KIAA1671: variants seen among roughly 807,000 people sequenced by gnomAD.
The protein encoded by KIAA1671 is uncharacterized protein KIAA1671.
In KIAA1671, 52 loss-of-function variants were observed where a neutral mutation model predicts 131.2. That is an observed-to-expected ratio of 0.40 (90% CI 0.32 to 0.50). The LOEUF is 0.50. Among genes scored for constraint, KIAA1671 ranks in the 20% least tolerant of loss-of-function variants. The probability of loss-of-function intolerance (pLI) is 0.73; values close to 1 mark genes in which losing one functional copy is unlikely to be tolerated. For missense variants in KIAA1671, 2,360 were observed against 2,364.2 expected, an observed-to-expected ratio of 1.00 and a Z score of 0.04; for synonymous variants, 1,003 against 961.6, an observed-to-expected ratio of 1.04 and a Z score of -0.80.
intron 1 of KIAA1671, among the ~76,000 whole-genome samples, chr22:25,001,895 AAT>A (rs1263706508): frequency 6.6e-6 from 1 of 152,064 alleles, no homozygotes; most frequent in Non-Finnish European, 1.5e-5. Context: ...ACATTATGTA[AAT>A]AAGTATATAT....
At chr22:24,980,839 G>A (rs1258071887) in intron 1 of KIAA1671, among the ~76,000 whole-genome samples, 3 of 151,138 alleles carry the variant, frequency 2.0e-5, no homozygotes, top group Non-Finnish European at 4.4e-5. Context: ...CTCCACCTCC[G>A]GAGTTCAAGT....
At chr22:24,978,656 A>G (rs149689182) in intron 1 of KIAA1671, among the ~76,000 whole-genome samples, 8 of 152,058 alleles carry the variant, frequency 5.3e-5, no homozygotes, top group African/African-American at 1.9e-4. Flanking sequence ...TGAAATATGG[A>G]TACAGTTTAC....
chr22:25,114,269 A>AG (rs1337599212), intron 6 of KIAA1671, among the ~76,000 whole-genome samples: 1 of 152,180 alleles, frequency 6.6e-6, no homozygotes, highest in Non-Finnish European at 1.5e-5. Flanking sequence ...CTGGCTGAGG[A>AG]GCCCTGACCC....
At chr22:25,116,023 G>A (rs1439561897) in intron 6 of KIAA1671, among the ~76,000 whole-genome samples, 1 of 151,774 alleles carries the variant, frequency 6.6e-6, no homozygotes, top group African/African-American at 2.4e-5. Flanking sequence ...TGATCCACCC[G>A]CTTCAACCTC....
At chr22:25,021,868 G>A (rs1235211066) in intron 1 of KIAA1671, among the ~76,000 whole-genome samples, 3 of 151,750 alleles carry the variant, frequency 2.0e-5, no homozygotes, top group Non-Finnish European at 4.4e-5. Context: ...CTCCCTGCAA[G>A]CTCCACCTCC....
intron 6 of KIAA1671, among the ~76,000 whole-genome samples, chr22:25,144,955 C>G (rs1932855336): frequency 6.6e-6 from 1 of 152,214 alleles, no homozygotes; most frequent in Non-Finnish European, 1.5e-5. Flanking sequence ...CATCGGAGGT[C>G]TGTGACTTCC....
intron 6 of KIAA1671, among the ~76,000 whole-genome samples, chr22:25,143,356 G>A (rs1168312912): frequency 6.6e-6 from 1 of 152,228 alleles, no homozygotes; most frequent in Non-Finnish European, 1.5e-5. Flanking sequence ...TGAGCACATG[G>A]CAGATGTGTC....
At chr22:25,006,498 T>C (rs957744772) in intron 1 of KIAA1671, among the ~76,000 whole-genome samples, 1 of 152,208 alleles carries the variant, frequency 6.6e-6, no homozygotes, top group Admixed American at 6.5e-5. Context: ...AAGAACTTCA[T>C]AGAGATGTGG....
intron 1 of KIAA1671, among the ~76,000 whole-genome samples, chr22:25,017,033 C>T (rs1308623018): frequency 1.3e-5 from 2 of 152,106 alleles, no homozygotes; most frequent in Non-Finnish European, 2.9e-5. Flanking sequence ...GTGGTTTATG[C>T]AAAACTTCAT....
chr22:25,045,849 C>T (rs1927194479), intron 5 of KIAA1671, among the ~76,000 whole-genome samples: 1 of 152,136 alleles, frequency 6.6e-6, no homozygotes, highest in Non-Finnish European at 1.5e-5. Context: ...TCTTGGCCTC[C>T]CAAACTGCTA....
chr22:25,095,807 T>A (rs1930366670), intron 6 of KIAA1671, among the ~76,000 whole-genome samples: 1 of 152,214 alleles, frequency 6.6e-6, no homozygotes, highest in Non-Finnish European at 1.5e-5. Context: ...TTCCTGATCC[T>A]TTTTGACTTA....
At chr22:25,070,681 C>T (rs1165402183) in intron 6 of KIAA1671, among the ~76,000 whole-genome samples, 2 of 151,734 alleles carry the variant, frequency 1.3e-5, no homozygotes, top group Non-Finnish European at 2.9e-5. Flanking sequence ...TTCCTCCAGT[C>T]CTCAAGAAAA....
At chr22:25,050,502 T>C (rs1927478107) in intron 6 of KIAA1671, 1 of 152,248 alleles carries the variant, frequency 6.6e-6, no homozygotes, top group Non-Finnish European at 1.5e-5. Context: ...TGGAGACATA[T>C]GATTTTGTGC....
At chr22:25,096,751 G>C (rs1223324688) in intron 6 of KIAA1671, among the ~76,000 whole-genome samples, 1 of 152,166 alleles carries the variant, frequency 6.6e-6, no homozygotes, top group African/African-American at 2.4e-5. Context: ...CCTGAGGCCT[G>C]CTCCTGCCTC....
At chr22:24,953,353 G>C (rs1454969357) in intron 1 of KIAA1671, among the ~76,000 whole-genome samples, 3 of 152,136 alleles carry the variant, frequency 2.0e-5, no homozygotes, top group Non-Finnish European at 2.9e-5. Context: ...GAAGTGGGAA[G>C]CAAGGGCGGC....
chr22:25,117,756 C>T (rs541082852), intron 6 of KIAA1671, among the ~76,000 whole-genome samples: 9 of 152,210 alleles, frequency 5.9e-5, no homozygotes, highest in East Asian at 3.9e-4. Context: ...TGGGGTCCTC[C>T]GGCTCTGTAA....
intron 6 of KIAA1671, among the ~76,000 whole-genome samples, chr22:25,089,591 AAC>A (rs1929923062): frequency 6.6e-6 from 1 of 152,094 alleles, no homozygotes; most frequent in African/African-American, 2.4e-5. Flanking sequence ...TTTAATTTTT[AAC>A]ACAATCAGAT....
Position 25,194,499 on chromosome 22 carries a change from A to G in KIAA1671, c.*2098A>G, listed in dbSNP as rs1467963319. 1 of 152,182 alleles carries G rather than the reference A, an allele frequency of 6.6e-6. No individual in the cohort carries two copies. The highest frequency in any genetic ancestry group is 1.5e-5 in the Non-Finnish European group (1 of 68,030). 9.4% of individuals were successfully genotyped at this position (152,182 alleles called of 1,614,324 possible). On this transcript the variant is annotated 3_prime_UTR_variant, in exon 13 of 13. Coordinates refer to ENST00000358431, the MANE Select transcript of KIAA1671 (RefSeq NM_001145206.2). ...TAGGAAAGGACCTGCTCTTACATAT[A>G]TTGATGGTCCTCATGCAAAACTCTC...
At chr22:24,981,732 A>AC (rs1296075935) in intron 1 of KIAA1671, among the ~76,000 whole-genome samples, 3 of 152,120 alleles carry the variant, frequency 2.0e-5, no homozygotes, top group Non-Finnish European at 4.4e-5. Flanking sequence ...ACGTGACGAG[A>AC]CCCCATCTCT....
Sources: allele counts gnomAD v4.1 joint callset (sites outside exome capture counted in the v4.1 genomes callset), GRCh38; gene constraint gnomAD v4.1.1; transcripts MANE v1.5; gene names NCBI Gene and HGNC (gene_info 2026-07-23, HGNC 2026-07-21).